The following SIM1 variants were observed in gnomAD, a reference collection of about 807,000 sequenced individuals.
SIM1 encodes the protein SIM bHLH transcription factor 1.
In SIM1, 18 loss-of-function variants were observed where a neutral mutation model predicts 78.2. The ratio of observed to expected loss-of-function variants is 0.23; its 90% confidence interval spans 0.16 to 0.34. SIM1 has a LOEUF of 0.34. SIM1 is among the 10% of genes least tolerant of loss of function. The probability of loss-of-function intolerance (pLI) is 1.00; values close to 1 mark genes in which losing one functional copy is unlikely to be tolerated. For synonymous variants in SIM1, 417 were observed against 385.2 expected (o/e 1.08, Z -0.97); for missense variants, 939 against 975.1 (o/e 0.96, Z 0.49).
At chr6:100,439,028 T>C (rs1406611538) in intron 9 of SIM1, among the ~76,000 whole-genome samples, 1 of 151,978 alleles carries the variant, frequency 6.6e-6, no homozygotes, top group Non-Finnish European at 1.5e-5. Context: ...GGGTGATAGG[T>C]GCACTAAAAT....
chr6:100,420,675 A>T, intron 10 of SIM1, 115 bp downstream of exon 10: 1 of 959,962 alleles, frequency 1.0e-6, no homozygotes, highest in South Asian at 1.6e-5. Context: ...GATTTATAGA[A>T]GTTTTAGTTA....
intron 10 of SIM1, among the ~76,000 whole-genome samples, chr6:100,397,231 C>G (rs899557134): frequency 6.6e-6 from 1 of 152,098 alleles, no homozygotes; most frequent in African/African-American, 2.4e-5. Flanking sequence ...ATTCTAGAGG[C>G]TTCTGAGTTT....
chr6:100,463,642 G>C lies in SIM1; in HGVS notation c.-174C>G. 1 of 575,136 alleles carries C rather than the reference G, an allele frequency of 1.7e-6. No individual in the cohort carries two copies. Among genetic ancestry groups the C allele is most frequent in the Non-Finnish European group, 3.0e-6 (1 of 330,056 alleles). 35.6% of individuals were successfully genotyped at this position (575,136 alleles called of 1,614,324 possible). A position where few individuals can be genotyped will look rare whatever the true frequency, so the allele number is the denominator to read the frequency against. ...TATTGATGGCAGTAAAAGACCAGCG[G>C]GGGTGAACGGAAAATATGTTCTTTG... On this transcript the variant is annotated 5_prime_UTR_variant, in exon 2 of 12. Transcript: ENST00000369208.
Position 100,390,051 on chromosome 6 carries a change from TC to T in SIM1, c.*309del. ...GATAGTCACAATGCAATGTTGTCAT[TC>T]ATCAGTCCTCTCATGTAGTATATAT... On this transcript the variant is annotated 3_prime_UTR_variant, in exon 12 of 12. Coordinates refer to ENST00000369208, the MANE Select transcript of SIM1 (RefSeq NM_005068.3). 1 of 412,104 alleles carries T rather than the reference TC, an allele frequency of 2.4e-6. No homozygotes were observed. The highest frequency in any genetic ancestry group is 3.8e-5 in the East Asian group (1 of 26,460). The allele number at this position is 412,104 out of a possible 1,614,324, so 25.5% of individuals were successfully genotyped here. A position where few individuals can be genotyped will look rare whatever the true frequency, so the allele number is the denominator to read the frequency against.
At chr6:100,409,969 C>T (rs571311405) in intron 10 of SIM1, among the ~76,000 whole-genome samples, 4 of 152,220 alleles carry the variant, frequency 2.6e-5, no homozygotes, top group East Asian at 3.9e-4. Context: ...GAAAATGTTC[C>T]GCATGAGCTT....
At chr6:100,450,160 A>G (rs758755149) in intron 4 of SIM1, 107 bp downstream of exon 4, 35 of 844,458 alleles carry the variant, frequency 4.1e-5, no homozygotes, top group Non-Finnish European at 5.8e-5. Flanking sequence ...TGAGATGTCC[A>G]GCTCCAGGTT....
At chr6:100,395,513 T>C (rs899170986) in intron 10 of SIM1, among the ~76,000 whole-genome samples, 3 of 152,104 alleles carry the variant, frequency 2.0e-5, no homozygotes, top group African/African-American at 7.2e-5. Context: ...ATTAGGGAGA[T>C]TTGCAGTGAA....
intron 2 of SIM1, among the ~76,000 whole-genome samples, chr6:100,454,901 GC>G (rs1450274881): frequency 1.3e-5 from 2 of 152,152 alleles, no homozygotes; most frequent in Non-Finnish European, 2.9e-5. Flanking sequence ...TAGTGCTGCT[GC>G]TAAAATTATT....
At chr6:100,453,574 G>A (rs1772567859) in intron 3 of SIM1, among the ~76,000 whole-genome samples, 188 bp downstream of exon 3, 1 of 151,924 alleles carries the variant, frequency 6.6e-6, no homozygotes. Flanking sequence ...ATCTGCAAAA[G>A]CTAAAATTTT....
intron 3 of SIM1, among the ~76,000 whole-genome samples, chr6:100,451,177 C>T (rs1194476746): frequency 6.6e-6 from 1 of 152,150 alleles, no homozygotes; most frequent in Non-Finnish European, 1.5e-5. Flanking sequence ...ACAGGTAGTG[C>T]TGAATAGGCA....
intron 10 of SIM1, among the ~76,000 whole-genome samples, chr6:100,407,446 T>A (rs192260768): frequency 1.1e-3 from 170 of 152,160 alleles, no homozygotes; most frequent in Middle Eastern, 3.4e-3. Context: ...ACATACTGAT[T>A]TTTTTTTCCT....
chr6:100,449,766 G>A (rs1772463190), intron 4 of SIM1, 67 bp from the exon 5 acceptor site: 3 of 1,332,790 alleles, frequency 2.3e-6, no homozygotes, highest in Non-Finnish European at 2.1e-6. Context: ...TGAAAGATTA[G>A]GCCAGGGGAT....
At chr6:100,443,520 T>G (rs1236308101) in intron 9 of SIM1, among the ~76,000 whole-genome samples, 1 of 152,154 alleles carries the variant, frequency 6.6e-6, no homozygotes, top group African/African-American at 2.4e-5. Flanking sequence ...CATTTAGAAC[T>G]TTCTATCCTA....
intron 9 of SIM1, chr6:100,427,158 G>C (rs1237548657): frequency 6.6e-6 from 1 of 152,226 alleles, no homozygotes; most frequent in Non-Finnish European, 1.5e-5. Flanking sequence ...GCAGCAGAGA[G>C]ACCTACTTTA....
At position 100,447,268 on chromosome 6, in the gene SIM1, G is replaced by T; in HGVS notation, c.998C>A (p.Thr333Lys). Residue 333 changes from threonine to lysine, a missense_variant and splice_region_variant, in exon 9 of 12, where the codon ACA becomes AAA. By Grantham distance (78) the Thr-to-Lys change is moderately conservative. Around this residue, in one of 5 missense-constraint regions of SIM1, gnomAD observed 66 missense variants for 108.4 expected, o/e 0.61. Coordinates refer to ENST00000369208, the MANE Select transcript of SIM1 (RefSeq NM_005068.3). ...HCIVSVNYVL[T>K]DTEYKGLQLS... is the part of the protein sequence containing the mutation. ...GAAGGGGTCTCAGTCTTGCACTCAC[G>T]TGAGGACATAGTTGACGCTGACGAT... The T allele has an allele frequency of 6.2e-7, 1 of 1,614,180 alleles. No individual in the cohort carries two copies. The highest frequency in any genetic ancestry group is 8.5e-7 in the Non-Finnish European group (1 of 1,180,028).
chr6:100,454,222 T>C (rs1243564272), intron 2 of SIM1, among the ~76,000 whole-genome samples: 1 of 152,120 alleles, frequency 6.6e-6, no homozygotes, highest in Non-Finnish European at 1.5e-5. Context: ...TTCATCGTCA[T>C]CCGTTTCCCG....
chr6:100,448,809 G>T, intron 6 of SIM1, 131 bp from the exon 7 acceptor site: 1 of 751,412 alleles, frequency 1.3e-6, no homozygotes, highest in Middle Eastern at 3.9e-4. Flanking sequence ...GTGCACTAAG[G>T]AATCCAAAGT....
intron 9 of SIM1, among the ~76,000 whole-genome samples, chr6:100,432,838 C>G (rs190711047): frequency 6.6e-6 from 1 of 152,106 alleles, no homozygotes; most frequent in Non-Finnish European, 1.5e-5. Context: ...TCCACTCTGA[C>G]GAATGACGGG....
rs1266582937 is a variant in SIM1, at chr6:100,386,189, G to A, written c.*4172C>T. ...ATGTATGTCAACATCTATGATTTGA[G>A]TGAACTAGGGAACCAAATCTGGGCA... On this transcript the variant is annotated 3_prime_UTR_variant, in exon 12 of 12. Coordinates refer to ENST00000369208, the MANE Select transcript of SIM1 (RefSeq NM_005068.3). The A allele has an allele frequency of 2.0e-5, 3 of 151,960 alleles. No individual in the cohort carries two copies. The highest frequency in any genetic ancestry group is 4.4e-5 in the Non-Finnish European group (3 of 67,900). The allele number at this position is 151,960 out of a possible 1,614,324, so 9.4% of individuals were successfully genotyped here.
Sources: allele counts gnomAD v4.1 joint callset (sites outside exome capture counted in the v4.1 genomes callset), GRCh38; gene constraint gnomAD v4.1.1; regional missense constraint gnomAD v4.1.1; transcripts MANE v1.5; gene names NCBI Gene and HGNC (gene_info 2026-07-23, HGNC 2026-07-21).